Variants in TSKS observed in about 807,000 individuals in gnomAD.
TSKS encodes testis specific serine kinase substrate.
In TSKS, 27 loss-of-function variants were observed where a neutral mutation model predicts 68.0. The observed-to-expected ratio is 0.40, with a 90% CI of 0.29 to 0.55. TSKS has a LOEUF of 0.55. Ranked by LOEUF, TSKS falls within the 20% of genes least tolerant of loss-of-function variation. TSKS has a pLI of 0.53. For missense variants in TSKS, 806 were observed against 776.0 expected (o/e 1.04, Z -0.46); for synonymous variants, 331 against 340.4 (o/e 0.97, Z 0.30).
At chr19:49,744,788 C>T (rs1374829706) in intron 7 of TSKS, among the ~76,000 whole-genome samples, 1 of 152,116 alleles carries the variant, frequency 6.6e-6, no homozygotes, top group Non-Finnish European at 1.5e-5. Flanking sequence ...GGGGTCTCCG[C>T]TATGTGGCCC....
At chr19:49,762,310 C>A in intron 1 of TSKS, 78 bp from the exon 2 acceptor site, 1 of 1,097,824 alleles carries the variant, frequency 9.1e-7, no homozygotes. Context: ...TTTCTCCATA[C>A]CTCACCCCCT....
chr19:49,759,970 T>A (rs1220128076), intron 2 of TSKS, among the ~76,000 whole-genome samples: 2 of 150,972 alleles, frequency 1.3e-5, no homozygotes, highest in African/African-American at 4.9e-5. Flanking sequence ...CTGGCCAACA[T>A]GGTGAAACCC....
intron 2 of TSKS, among the ~76,000 whole-genome samples, chr19:49,751,643 G>C (rs1459905454): frequency 1.3e-5 from 2 of 152,082 alleles, no homozygotes; most frequent in African/African-American, 4.8e-5. Context: ...TGATTGTTAA[G>C]TGATGCCTGG....
Position 49,747,449 on chromosome 19 carries a change from C to T in TSKS, c.603G>A (p.Arg201=). 6.2e-7 allele frequency: 1 copy of T among 1,614,256 alleles called. No homozygotes were observed. The highest frequency in any genetic ancestry group is 2.2e-5 in the East Asian group (1 of 44,880). The change falls in exon 5 of 11, where the codon CGG becomes CGA. Residue 201 remains arginine (R), a synonymous_variant. Coordinates refer to ENST00000246801, the MANE Select transcript of TSKS (RefSeq NM_021733.2). ...QLKENCWKVT[R]SVEDAEIKTN... Reference sequence around the variant, plus strand: ...TTTTGATTTCAGCATCTTCCACAGACCGGGTCACCTTCCAGCAGTTCTCCT... The same window carrying T: ...TTTTGATTTCAGCATCTTCCACAGATCGGGTCACCTTCCAGCAGTTCTCCT...
chr19:49,740,390 G>A, intron 9 of TSKS: 3 of 606,058 alleles, frequency 5.0e-6, no homozygotes. Flanking sequence ...ATCTGTGTCT[G>A]TCCTATTGTC....
chr19:49,742,921 A>G (rs2084263967), intron 8 of TSKS, among the ~76,000 whole-genome samples: 3 of 152,156 alleles, frequency 2.0e-5, no homozygotes, highest in South Asian at 4.1e-4. Flanking sequence ...CCTTTCCTAC[A>G]ATGGACCTTC....
chr19:49,748,662 T>C (rs1305693553), intron 2 of TSKS, among the ~76,000 whole-genome samples, 193 bp from the exon 3 acceptor site: 1 of 152,168 alleles, frequency 6.6e-6, no homozygotes, highest in African/African-American at 2.4e-5. Flanking sequence ...TAAACGACCT[T>C]TCTTCATGGT....
At chr19:49,758,850 C>T (rs1442529344) in intron 2 of TSKS, among the ~76,000 whole-genome samples, 1 of 152,034 alleles carries the variant, frequency 6.6e-6, no homozygotes, top group Non-Finnish European at 1.5e-5. Flanking sequence ...CCACTGTCTA[C>T]CTTAGTTGTT....
chr19:49,740,232 G>A, intron 9 of TSKS, 49 bp from the exon 10 acceptor site: 1 of 1,576,252 alleles, frequency 6.3e-7, no homozygotes, highest in Non-Finnish European at 8.6e-7. Flanking sequence ...CTGGGCTGGG[G>A]GTGGAGGGGG....
intron 1 of TSKS, 102 bp downstream of exon 1, chr19:49,762,975 CT>C: frequency 2.1e-6 from 3 of 1,451,962 alleles, no homozygotes; most frequent in Admixed American, 2.3e-5. Context: ...GACCTGCTGG[CT>C]TTTCCCCCTC....
chr19:49,743,161 C>T (rs1347140539), intron 8 of TSKS, among the ~76,000 whole-genome samples: 2 of 151,872 alleles, frequency 1.3e-5, no homozygotes, highest in Non-Finnish European at 1.5e-5. Flanking sequence ...TCACTGCACC[C>T]TCCACTTCCC....
intron 2 of TSKS, among the ~76,000 whole-genome samples, chr19:49,753,776 TAAAAA>T (rs1366188902): frequency 6.7e-6 from 1 of 149,942 alleles, no homozygotes; most frequent in African/African-American, 2.4e-5. Context: ...AATAAATAAA[TAAAAA>T]TAATAAAATA....
Position 49,745,345 on chromosome 19 carries a change from C to T in TSKS, c.1044G>A (p.Val348=), listed in dbSNP as rs1270854134. 1 of 1,597,394 alleles carries T rather than the reference C, an allele frequency of 6.3e-7. No individual in the cohort carries two copies. The highest frequency in any genetic ancestry group is 1.7e-5 in the Admixed American group (1 of 58,958). ...CCCCGAGCAGCCGCAGGGCTTCCTG[C>T]ACCGCCCCCTCCTCCTGATGCCACC... ...TARWHQEEGA[V]QEALRLLGGL... Residue 348 remains valine, a synonymous_variant, in exon 7 of 11, where the codon GTG becomes GTA. Transcript: ENST00000246801.
Position 49,746,609 on chromosome 19 carries a change from G to A in TSKS, c.853C>T (p.Pro285Ser), listed in dbSNP as rs756663621. 72 of 1,611,170 alleles carry A rather than the reference G, an allele frequency of 4.5e-5. No homozygotes were observed. Among genetic ancestry groups the A allele is most frequent in the Non-Finnish European group, 5.4e-5 (64 of 1,179,312 alleles). ...PAATSQGCPGPPGSPDKPSRP... is the reference protein window; with the variant it reads ...PAATSQGCPGSPGSPDKPSRP... ...GAGGGTTTGTCGGGACTCCCTGGCG[G>A]GCCGGGGCAGCCCTGGGACGTGGCG... Residue 285 changes from proline (P) to serine (S), a missense_variant, in exon 6 of 11, where the codon CCG (proline) becomes TCG (serine). By Grantham distance (74) the Pro-to-Ser change is moderately conservative (BLOSUM62 -1). Transcript: ENST00000246801.
chr19:49,748,120 C>T lies in TSKS; in HGVS notation c.544G>A (p.Ala182Thr). Residue 182 changes from alanine (A) to threonine (T), a missense_variant, in exon 4 of 11, where the codon GCA (alanine) becomes ACA (threonine). Transcript: ENST00000246801. Reference protein sequence around the residue: ...SENLERRRQEAEELEGYCIQL... With the variant: ...SENLERRRQETEELEGYCIQL... ...ATGCAGTACCCCTCCAACTCTTCTG[C>T]CTCTTGCCGCCTTCTCTCCAGATTC... 2 of 1,614,212 alleles carry T rather than the reference C, an allele frequency of 1.2e-6. No homozygotes were observed. The highest frequency in any genetic ancestry group is 1.7e-6 in the Non-Finnish European group (2 of 1,180,034).
intron 2 of TSKS, among the ~76,000 whole-genome samples, chr19:49,755,026 G>A (rs1008063772): frequency 6.6e-6 from 1 of 152,128 alleles, no homozygotes; most frequent in African/African-American, 2.4e-5. Flanking sequence ...GAACCCAGGA[G>A]GCAGAGGTTG....
chr19:49,740,347 A>C, intron 9 of TSKS, 164 bp from the exon 10 acceptor site: 1 of 787,568 alleles, frequency 1.3e-6, no homozygotes, highest in Non-Finnish European at 2.0e-6. Context: ...GCATCCCACA[A>C]TGCACTGGTC....
rs367616522 is a variant in TSKS, at chr19:49,754,106, G to A, written c.400-5637C>T. ...TCACCATATTGGTCAGGCTGGTCTC[G>A]AACTCCTGACCTCAGGTGATCTGCC... On this transcript the variant is annotated intron_variant, in intron 2 of 10. Transcript: ENST00000246801. Among the ~76,000 whole-genome samples the A allele has an allele frequency of 6.0e-5, 9 of 151,112 alleles. 1 individual carries two copies. Among genetic ancestry groups the A allele is most frequent in the Admixed American group, 3.3e-4 (5 of 15,252 alleles).
chr19:49,762,112 C>T lies in TSKS; in HGVS notation c.291G>A (p.Gly97=). The T allele has an allele frequency of 3.1e-6, 5 of 1,614,122 alleles. No homozygotes were observed. The highest frequency in any genetic ancestry group is 4.2e-6 in the Non-Finnish European group (5 of 1,180,026). The change falls in exon 2 of 11, where the codon GGG becomes GGA. Residue 97 remains glycine, a synonymous_variant. Transcript: ENST00000246801. ...TGAGGTCTTCCACTGTGGAGTCTGT[C>T]CCCGTGGAGTCAGTGGGCTCCATGG... is the stretch of plus-strand genomic sequence containing the variant. ...LAAMEPTDST[G]TDSTVEDLSG...
Sources: gnomAD v4.1 joint callset for allele counts (sites outside exome capture counted in the v4.1 genomes callset) on GRCh38, gnomAD v4.1.1 for gene constraint, MANE v1.5 for transcripts, NCBI Gene and HGNC (gene_info 2026-07-23, HGNC 2026-07-21) for gene names.